HEPHL1: variants seen among roughly 807,000 people sequenced by gnomAD.
HEPHL1 encodes the protein hephaestin like 1, also known as ferroxidase HEPHL1.
Under a neutral mutation model 122.0 loss-of-function variants are expected in HEPHL1, and 123 were observed. The observed-to-expected ratio is 1.01, with a 90% CI of 0.87 to 1.17. HEPHL1 has a LOEUF of 1.17. Among genes scored for constraint, HEPHL1 ranks in the 50% most tolerant of loss-of-function variants. HEPHL1 has a pLI of 0.00. For synonymous variants in HEPHL1, 527 were observed against 508.9 expected (o/e 1.04, Z -0.48); for missense variants, 1,452 against 1,430.5 (o/e 1.01, Z -0.24).
intron 2 of HEPHL1, among the ~76,000 whole-genome samples, chr11:94,062,241 C>T (rs1945989809): frequency 6.6e-6 from 1 of 151,970 alleles, no homozygotes; most frequent in African/African-American, 2.4e-5. Context: ...GGAGTGTTAC[C>T]TTAACTTAAT....
intron 2 of HEPHL1, among the ~76,000 whole-genome samples, chr11:94,053,068 T>G (rs10765649): frequency 6.6e-6 from 1 of 151,886 alleles, no homozygotes; most frequent in African/African-American, 2.4e-5. Context: ...TTAGTATTTG[T>G]TAGAATTTTT....
In HEPHL1 at chr11:94,064,434, T is replaced by C. The variant is rs768000119; in HGVS notation, c.732T>C (p.Asn244=). The part of the protein sequence containing the change: ...DENQSWYLNE[N]IKHFCTNPDS... ...ATCAAAGCTGGTACCTCAATGAAAA[T>C]ATCAAACATTTCTGCACCAACCCTG... Residue 244 remains asparagine, a synonymous_variant, in exon 4 of 20, where the codon AAT becomes AAC. Coordinates refer to ENST00000315765, the MANE Select transcript of HEPHL1 (RefSeq NM_001098672.2). The C allele has an allele frequency of 1.2e-5, 19 of 1,612,940 alleles. No homozygotes were observed. The East Asian group carries it at 2.7e-4, about 23-fold the overall frequency.
At chr11:94,072,835 G>A (rs971155669) in intron 6 of HEPHL1, among the ~76,000 whole-genome samples, 190 bp from the exon 7 acceptor site, 2 of 152,126 alleles carry the variant, frequency 1.3e-5, no homozygotes, top group African/African-American at 4.8e-5. Context: ...ATGAGCTTGA[G>A]TATCACCCAG....
At chr11:94,104,260 A>T (rs994699737) in intron 15 of HEPHL1, among the ~76,000 whole-genome samples, 10 of 152,154 alleles carry the variant, frequency 6.6e-5, no homozygotes, top group African/African-American at 2.4e-4. Context: ...AGGGGAGCAC[A>T]TGGAGGGCTC....
chr11:94,073,402 C>T lies in HEPHL1; in HGVS notation c.1467C>T (p.Ile489=). ...ATAGCATTTTACCCCATGGTGTGAT[C>T]TATGACAAGGCATCTGATGCAGCCC... is the stretch of plus-strand genomic sequence containing the variant. The part of the protein sequence containing the change: ...KVYSILPHGV[I]YDKASDAAPN... Residue 489 remains isoleucine (I), a synonymous_variant, in exon 8 of 20, where the codon ATC becomes ATT. Coordinates refer to ENST00000315765, the MANE Select transcript of HEPHL1 (RefSeq NM_001098672.2). 1 of 1,561,326 alleles carries T rather than the reference C, an allele frequency of 6.4e-7. No homozygotes were observed.
In HEPHL1 at chr11:94,055,601, T is replaced by C. The variant is rs559141060; in HGVS notation, c.416-7907T>C. On this transcript the variant is annotated intron_variant, in intron 2 of 19. Transcript: ENST00000315765. The stretch of plus-strand genomic sequence containing the variant: ...GTAAGCAATCGGTAACATGAGGATC[T>C]CTTAGTGATGTACAGCAGCACACGC... 13 of 334,380 alleles carry C rather than the reference T, an allele frequency of 3.9e-5. No homozygotes were observed. The East Asian group carries it at 1.0e-3, about 27-fold the overall frequency. 20.7% of individuals were successfully genotyped at this position (334,380 alleles called of 1,614,324 possible). A position where few individuals can be genotyped will look rare whatever the true frequency, so the allele number is the denominator to read the frequency against.
intron 3 of HEPHL1, 72 bp from the exon 4 acceptor site, chr11:94,064,259 A>T (rs1946014305): frequency 8.5e-7 from 1 of 1,180,264 alleles, no homozygotes; most frequent in Admixed American, 2.1e-5. Context: ...CACTTGCCTG[A>T]CACTATTGGA....
chr11:94,091,779 T>A (rs1055768061), intron 12 of HEPHL1, among the ~76,000 whole-genome samples: 1 of 151,744 alleles, frequency 6.6e-6, no homozygotes, highest in Non-Finnish European at 1.5e-5. Context: ...ACATGAAGAG[T>A]AGTCCACTTG....
chr11:94,077,798 T>C lies in HEPHL1; in HGVS notation c.1716+2413T>C, dbSNP rs574283404. On this transcript the variant is annotated intron_variant, in intron 9 of 19. Coordinates refer to ENST00000315765, the MANE Select transcript of HEPHL1 (RefSeq NM_001098672.2). ...CCACTTATGCTCCATCCACATTCTG[T>C]TCCTCTCTCAGGCCAAGCTTGTCTT... is the stretch of plus-strand genomic sequence containing the variant. Among the ~76,000 whole-genome samples, 288 of 152,272 alleles carry C rather than the reference T, an allele frequency of 1.9e-3. 1 individual carries two copies. The Middle Eastern group carries it at 0.037, about 20-fold the overall frequency.
At chr11:94,099,067 C>A (rs753938598) in intron 13 of HEPHL1, among the ~76,000 whole-genome samples, 1 of 152,228 alleles carries the variant, frequency 6.6e-6, no homozygotes, top group Admixed American at 6.5e-5. Flanking sequence ...GAGCTGCGTT[C>A]CTTTGGTGGG....
At position 94,070,425 on chromosome 11, in the gene HEPHL1, A is replaced by G. The variant is rs1946064797; in HGVS notation, c.1115A>G (p.Tyr372Cys). 1.2e-6 allele frequency: 2 copies of G among 1,605,042 alleles called. No homozygotes were observed. Among genetic ancestry groups the G allele is most frequent in the Admixed American group, 1.7e-5 (1 of 58,728 alleles). Residue 372 changes from tyrosine (Y) to cysteine (C), a missense_variant, in exon 6 of 20, where the codon TAC (tyrosine) becomes TGC (cysteine). By Grantham distance (194) the Tyr-to-Cys change is radical. Transcript: ENST00000315765. ...GATAACTGCAAAAGTGATATTTTCT[A>G]CCCCAAGATGAAGGGTCAACAGAGG... ...NVDNCKSDIF[Y>C]PKMKGQQRRY...
rs149608733 is a variant in HEPHL1, at chr11:94,109,050, G to A, written c.3046-1853G>A. Among the ~76,000 whole-genome samples, 939 of 152,052 alleles carry A rather than the reference G, an allele frequency of 6.2e-3. 12 individuals carry two copies. Among genetic ancestry groups the A allele is most frequent in the African/African-American group, 0.022 (893 of 41,526 alleles). ...TGATTTCTTTCATCAGCATTTTGTAGTTTTCAATATAGAGATCTTGCATAT... is the reference window on the plus strand; with the variant it reads ...TGATTTCTTTCATCAGCATTTTGTAATTTTCAATATAGAGATCTTGCATAT... On this transcript the variant is annotated intron_variant, in intron 17 of 19. Coordinates refer to ENST00000315765, the MANE Select transcript of HEPHL1 (RefSeq NM_001098672.2).
rs1184119991 is a variant in HEPHL1 at position 94,112,817 on chromosome 11, T to A, written c.*923T>A. The A allele has an allele frequency of 6.6e-6, 1 of 152,232 alleles. No homozygotes were observed. The highest frequency in any genetic ancestry group is 1.5e-5 in the Non-Finnish European group (1 of 68,040). 9.4% of individuals were successfully genotyped at this position (152,232 alleles called of 1,614,324 possible). ...GTCTGGGCTTGAATTTGGAGTCTGA[T>A]TTTTCATTCAGTTAGAGGGAATCTT... is the stretch of plus-strand genomic sequence containing the variant. On this transcript the variant is annotated 3_prime_UTR_variant, in exon 20 of 20. Coordinates refer to ENST00000315765, the MANE Select transcript of HEPHL1 (RefSeq NM_001098672.2).
intron 2 of HEPHL1, among the ~76,000 whole-genome samples, chr11:94,057,166 C>T (rs992595347): frequency 1.3e-5 from 2 of 152,050 alleles, no homozygotes; most frequent in Admixed American, 6.6e-5. Context: ...TTTTGTCTAT[C>T]TGATTTCAAT....
At chr11:94,053,080 T>C (rs183672570) in intron 2 of HEPHL1, among the ~76,000 whole-genome samples, 126 of 152,214 alleles carry the variant, frequency 8.3e-4, no homozygotes, top group Non-Finnish European at 8.8e-5. Flanking sequence ...AGAATTTTTA[T>C]ATAAAACCAC....
chr11:94,022,222 C>T (rs146545215), intron 1 of HEPHL1, among the ~76,000 whole-genome samples: 68 of 152,278 alleles, frequency 4.5e-4, no homozygotes, highest in Middle Eastern at 6.8e-3. Flanking sequence ...TTCTCCCTGC[C>T]CCCTCCAGGG....
intron 5 of HEPHL1, among the ~76,000 whole-genome samples, chr11:94,068,325 T>C (rs1164695692): frequency 1.3e-5 from 2 of 152,204 alleles, no homozygotes; most frequent in East Asian, 3.9e-4. Flanking sequence ...AATTTCGTTT[T>C]GAACATCTCT....
chr11:94,065,336 C>T (rs1362514029), intron 4 of HEPHL1, among the ~76,000 whole-genome samples: 2 of 152,160 alleles, frequency 1.3e-5, no homozygotes, highest in Non-Finnish European at 2.9e-5. Context: ...GATCATCTAA[C>T]GTCTCCATTT....
intron 1 of HEPHL1, among the ~76,000 whole-genome samples, chr11:94,032,660 G>A (rs558001233): frequency 5.9e-5 from 9 of 152,210 alleles, no homozygotes; most frequent in Middle Eastern, 3.4e-3. Flanking sequence ...GCCTGACCAG[G>A]AATGTCAGGT....
Sources: gnomAD v4.1 joint callset for allele counts (sites outside exome capture counted in the v4.1 genomes callset) on GRCh38, gnomAD v4.1.1 for gene constraint, MANE v1.5 for transcripts, NCBI Gene and HGNC (gene_info 2026-07-23, HGNC 2026-07-21) for gene names.